The following BLTP3B variants were observed in gnomAD, a reference collection of about 807,000 sequenced individuals.
BLTP3B encodes the protein UHRF1 (ICBP90) binding protein 1-like.
At chr12:100,058,884 G>T in the BLTP3B span, 1 of 1,613,842 alleles carries the variant, frequency 6.2e-7, no homozygotes, top group South Asian at 1.1e-5. Context: ...TGACGAGGAA[G>T]GGGAAAATCT....
At chr12:100,076,581 A>AG in the BLTP3B span, among the ~76,000 whole-genome samples, 37 of 152,084 alleles carry the variant, frequency 2.4e-4, no homozygotes, top group Non-Finnish European at 4.4e-5. Flanking sequence ...TTTACTAGGG[A>AG]GGGGGTTTTG....
At chr12:100,055,494 T>A in the BLTP3B span, among the ~76,000 whole-genome samples, 1 of 151,846 alleles carries the variant, frequency 6.6e-6, no homozygotes, top group South Asian at 2.1e-4. Flanking sequence ...CTGGCCATCA[T>A]GGTGAAACCT....
At chr12:100,116,949 G>A in the BLTP3B span, among the ~76,000 whole-genome samples, 1 of 152,132 alleles carries the variant, frequency 6.6e-6, no homozygotes, top group African/African-American at 2.4e-5. Flanking sequence ...GGAGCCGTAA[G>A]AAAGAATTAC....
At chr12:100,081,841 CT>C in the BLTP3B span, among the ~76,000 whole-genome samples, 4 of 152,168 alleles carry the variant, frequency 2.6e-5, no homozygotes, top group African/African-American at 4.8e-5. Context: ...GATTCCATGA[CT>C]TTGTTATTGT....
At chr12:100,040,672 C>T in the BLTP3B span, among the ~76,000 whole-genome samples, 3 of 151,986 alleles carry the variant, frequency 2.0e-5, no homozygotes, top group African/African-American at 4.8e-5. Flanking sequence ...GGCGACAGAG[C>T]GAGACTCCGT....
the BLTP3B span, among the ~76,000 whole-genome samples, chr12:100,104,227 CAG>C: frequency 4.4e-5 from 5 of 112,628 alleles, no homozygotes; most frequent in Non-Finnish European, 9.1e-5. Flanking sequence ...TTTTTTGAGA[CAG>C]AGTCTCTTTC....
the BLTP3B span, chr12:100,050,271 G>T: frequency 6.2e-7 from 1 of 1,610,876 alleles, no homozygotes; most frequent in Non-Finnish European, 8.5e-7. Context: ...CCCCTCGGAT[G>T]TCAATTTCCC....
At chr12:100,083,208 G>A in the BLTP3B span, 3 of 1,047,798 alleles carry the variant, frequency 2.9e-6, no homozygotes, top group South Asian at 2.8e-5. Flanking sequence ...TATTAAGGCA[G>A]GTACCAGAAA....
the BLTP3B span, among the ~76,000 whole-genome samples, chr12:100,141,566 A>T: frequency 2.0e-5 from 3 of 152,204 alleles, no homozygotes; most frequent in Admixed American, 6.5e-5. Context: ...TGTTCCCAAT[A>T]TATAACCTGT....
chr12:100,060,676 T>C, the BLTP3B span, among the ~76,000 whole-genome samples: 1 of 152,208 alleles, frequency 6.6e-6, no homozygotes, highest in Non-Finnish European at 1.5e-5. Flanking sequence ...CACTCTTTCA[T>C]AGCTCTCCTA....
chr12:100,068,950 A>G, the BLTP3B span, among the ~76,000 whole-genome samples: 1 of 152,212 alleles, frequency 6.6e-6, no homozygotes, highest in Admixed American at 6.5e-5. Flanking sequence ...TAAAGAGCTA[A>G]AAGTAGGCAG....
At chr12:100,093,649 C>G in the BLTP3B span, among the ~76,000 whole-genome samples, 16 of 152,250 alleles carry the variant, frequency 1.1e-4, no homozygotes, top group Middle Eastern at 3.4e-3. Context: ...GGATTAGAGT[C>G]ATTATGGAAA....
At chr12:100,048,108 A>C in the BLTP3B span, 3 of 1,613,386 alleles carry the variant, frequency 1.9e-6, no homozygotes, top group Non-Finnish European at 2.5e-6. Flanking sequence ...CTGCAAGTAA[A>C]GAGTGTATTA....
At chr12:100,119,724 AC>A in the BLTP3B span, among the ~76,000 whole-genome samples, 1 of 152,174 alleles carries the variant, frequency 6.6e-6, no homozygotes, top group African/African-American at 2.4e-5. Flanking sequence ...GAATGATGTT[AC>A]AGCCATATGC....
At chr12:100,038,055 G>A in the BLTP3B span, among the ~76,000 whole-genome samples, 2 of 152,118 alleles carry the variant, frequency 1.3e-5, no homozygotes, top group African/African-American at 4.8e-5. Flanking sequence ...ACATTGCTGA[G>A]CTACACCTAC....
At chr12:100,120,968 A>T in the BLTP3B span, among the ~76,000 whole-genome samples, 2 of 152,102 alleles carry the variant, frequency 1.3e-5, no homozygotes, top group African/African-American at 4.8e-5. Flanking sequence ...AAGAATGTAC[A>T]CATACGATAA....
At chr12:100,048,090 AT>A in the BLTP3B span, 1 of 1,613,294 alleles carries the variant, frequency 6.2e-7, no homozygotes, top group East Asian at 2.2e-5. Flanking sequence ...GCAGAAATCC[AT>A]TTTTTTCTGC....
the BLTP3B span, among the ~76,000 whole-genome samples, chr12:100,089,475 A>C: frequency 1.3e-5 from 2 of 152,090 alleles, no homozygotes; most frequent in Non-Finnish European, 2.9e-5. Context: ...CAGGAGAATC[A>C]CTTGAACCCG....
At chr12:100,118,034 A>T in the BLTP3B span, among the ~76,000 whole-genome samples, 3 of 152,194 alleles carry the variant, frequency 2.0e-5, no homozygotes, top group Non-Finnish European at 2.9e-5. Flanking sequence ...GAGCAACCAA[A>T]GATATCTTGA....
Sources: gnomAD v4.1 joint callset for allele counts (sites outside exome capture counted in the v4.1 genomes callset) on GRCh38, gnomAD v4.1.1 for gene constraint, MANE v1.5 for transcripts, NCBI Gene and HGNC (gene_info 2026-07-23, HGNC 2026-07-21) for gene names.